Variants in USP12 observed in about 807,000 individuals in gnomAD.
USP12 encodes the protein ubiquitin carboxyl-terminal hydrolase 12.
In USP12, 19 loss-of-function variants were observed where a neutral mutation model predicts 45.5. The ratio of observed to expected loss-of-function variants is 0.42; its 90% CI spans 0.29 to 0.61. The LOEUF (loss-of-function observed/expected upper bound fraction) is 0.61, where lower values mean the gene tolerates loss of function less well. Ranked by LOEUF, USP12 falls within the 20% of genes least tolerant of loss-of-function variation. The pLI is 0.22. For synonymous variants in USP12, 149 were observed against 148.8 expected, an observed-to-expected ratio of 1.00 and a Z score of -0.01; for missense variants, 242 against 447.7, an observed-to-expected ratio of 0.54 and a Z score of 4.15.
intron 6 of USP12, among the ~76,000 whole-genome samples, chr13:27,079,261 T>A (rs1343632816): frequency 6.6e-6 from 1 of 151,652 alleles, no homozygotes; most frequent in Non-Finnish European, 1.5e-5. Context: ...AGGTAAGGAT[T>A]CAATCTCAAG....
intron 1 of USP12, among the ~76,000 whole-genome samples, chr13:27,141,370 T>C (rs1877045779): frequency 6.6e-6 from 1 of 152,172 alleles, no homozygotes; most frequent in Admixed American, 6.5e-5. Context: ...GAACGTATGA[T>C]TAAAAACCAT....
intron 1 of USP12, among the ~76,000 whole-genome samples, chr13:27,117,423 C>T (rs994501887): frequency 7.2e-5 from 11 of 151,940 alleles, no homozygotes; most frequent in Non-Finnish European, 1.3e-4. Context: ...ATGTTTACTG[C>T]AGTATCATTT....
chr13:27,132,957 G>A (rs971420227), intron 1 of USP12, among the ~76,000 whole-genome samples: 2 of 152,192 alleles, frequency 1.3e-5, no homozygotes, highest in African/African-American at 2.4e-5. Context: ...TAATTACCAT[G>A]GTGATGGCAA....
At chr13:27,125,841 C>T (rs1876206028) in intron 1 of USP12, among the ~76,000 whole-genome samples, 1 of 152,256 alleles carries the variant, frequency 6.6e-6, no homozygotes, top group African/African-American at 2.4e-5. Flanking sequence ...GCCCAGGGAG[C>T]CTTGCTCGCT....
intron 3 of USP12, among the ~76,000 whole-genome samples, chr13:27,103,151 G>C (rs768861642): frequency 6.6e-6 from 1 of 152,122 alleles, no homozygotes; most frequent in Non-Finnish European, 1.5e-5. Flanking sequence ...TTTTAACATA[G>C]TATGGCAGGA....
intron 6 of USP12, among the ~76,000 whole-genome samples, chr13:27,076,774 A>G (rs1474833878): frequency 6.6e-6 from 1 of 152,194 alleles, no homozygotes. Context: ...ATAACATTAT[A>G]CTAAATCTGC....
intron 1 of USP12, among the ~76,000 whole-genome samples, chr13:27,150,352 A>G (rs1877512399): frequency 6.6e-6 from 1 of 152,218 alleles, no homozygotes; most frequent in Non-Finnish European, 1.5e-5. Context: ...AATCAATTTA[A>G]CAAAAAAAGA....
intron 7 of USP12, among the ~76,000 whole-genome samples, chr13:27,073,986 A>G (rs1274819879): frequency 6.6e-6 from 1 of 152,196 alleles, no homozygotes; most frequent in African/African-American, 2.4e-5. Flanking sequence ...ATCACTCTTA[A>G]TTTAGAAGTA....
chr13:27,088,502 ACC>A (rs1874173388), intron 6 of USP12, among the ~76,000 whole-genome samples: 1 of 150,466 alleles, frequency 6.6e-6, no homozygotes, highest in Non-Finnish European at 1.5e-5. Flanking sequence ...ACATGTTCCC[ACC>A]ATTTGCCAAA....
At chr13:27,135,577 T>C (rs1313265156) in intron 1 of USP12, among the ~76,000 whole-genome samples, 3 of 152,050 alleles carry the variant, frequency 2.0e-5, no homozygotes, top group Non-Finnish European at 4.4e-5. Flanking sequence ...TAGCCGGGCA[T>C]GGCAGCACAC....
Position 27,129,679 on chromosome 13 carries a change from CCTAT to C in USP12, c.49-13087_49-13084del, listed in dbSNP as rs1424099200. Among the ~76,000 whole-genome samples, 2 of 151,970 alleles carry C rather than the reference CCTAT, an allele frequency of 1.3e-5. No individual in the cohort carries two copies. The highest frequency in any genetic ancestry group is 2.4e-5 in the African/African-American group (1 of 41,336). Reference sequence around the variant, plus strand: ...TATGACCTGGGCGACAGAGTGAGACCCTATCTCTTAATAATAATAATAGCAAATA... The same window carrying C: ...TATGACCTGGGCGACAGAGTGAGACCCTCTTAATAATAATAATAGCAAATA... On this transcript the variant is annotated intron_variant, in intron 1 of 8. Transcript: ENST00000282344. This position sits in a 1 kb window ranked among gnomAD's most constrained non-coding sequence, Gnocchi z 4.0.
At chr13:27,100,021 T>C (rs777275889) in intron 3 of USP12, among the ~76,000 whole-genome samples, 1 of 152,078 alleles carries the variant, frequency 6.6e-6, no homozygotes. Context: ...CTGCTCAGAG[T>C]AGAAGTCTAT....
intron 1 of USP12, among the ~76,000 whole-genome samples, chr13:27,124,235 T>A (rs564591355): frequency 2.0e-5 from 3 of 152,254 alleles, no homozygotes; most frequent in Non-Finnish European, 4.4e-5. Context: ...AACAATTCAA[T>A]CTGGAATTAA....
At chr13:27,140,236 G>A (rs1329792608) in intron 1 of USP12, among the ~76,000 whole-genome samples, 1 of 152,162 alleles carries the variant, frequency 6.6e-6, no homozygotes, top group Non-Finnish European at 1.5e-5. Flanking sequence ...AGTGACTGGA[G>A]GGAGCGAAAC....
At chr13:27,099,972 A>T (rs1376354983) in intron 3 of USP12, among the ~76,000 whole-genome samples, 1 of 152,148 alleles carries the variant, frequency 6.6e-6, no homozygotes, top group Non-Finnish European at 1.5e-5. Flanking sequence ...TCCACAAGAG[A>T]TAGTAGATCT....
At chr13:27,160,214 G>A (rs1878041915) in intron 1 of USP12, among the ~76,000 whole-genome samples, 1 of 152,166 alleles carries the variant, frequency 6.6e-6, no homozygotes, top group Admixed American at 6.5e-5. Flanking sequence ...GCAACATAAT[G>A]TCTCCAACTA....
intron 1 of USP12, among the ~76,000 whole-genome samples, chr13:27,168,670 T>C (rs961747950): frequency 2.0e-5 from 3 of 152,200 alleles, no homozygotes; most frequent in Non-Finnish European, 4.4e-5. Flanking sequence ...CTTGAAAATG[T>C]ACTCACTGCA....
chr13:27,137,510 T>A (rs1028145883), intron 1 of USP12, among the ~76,000 whole-genome samples: 1 of 152,232 alleles, frequency 6.6e-6, no homozygotes, highest in African/African-American at 2.4e-5. Flanking sequence ...AATAGATAGA[T>A]GTATACTTAA....
chr13:27,155,343 G>A (rs376496030), intron 1 of USP12, among the ~76,000 whole-genome samples: 75 of 151,872 alleles, frequency 4.9e-4, no homozygotes, highest in African/African-American at 1.7e-3. Context: ...GGCCTCCCAA[G>A]GTGCTGGGAT....
Sources: allele counts gnomAD v4.1 joint callset (sites outside exome capture counted in the v4.1 genomes callset), GRCh38; gene constraint gnomAD v4.1.1; non-coding constraint Gnocchi (gnomAD v3.1); transcripts MANE v1.5; gene names NCBI Gene and HGNC (gene_info 2026-07-23, HGNC 2026-07-21).